GNB5: variants seen among roughly 807,000 people sequenced by gnomAD.
GNB5 encodes the protein G protein subunit beta 5, also known as guanine nucleotide-binding protein subunit beta-5.
GNB5 carries 37 observed loss-of-function variants against 55.3 expected under a neutral mutation model. The ratio of observed to expected loss-of-function variants is 0.67; its 90% CI spans 0.51 to 0.88. The LOEUF (loss-of-function observed/expected upper bound fraction) is 0.88. Ranked by LOEUF, GNB5 falls within the 40% of genes least tolerant of loss-of-function variation. The pLI is 0.00. For synonymous variants in GNB5, 219 were observed against 198.5 expected, an observed-to-expected ratio of 1.10 and a Z score of -0.87; for missense variants, 476 against 515.3, an observed-to-expected ratio of 0.92 and a Z score of 0.74.
At chr15:52,143,242 TG>T (rs2033898055) in intron 6 of GNB5, among the ~76,000 whole-genome samples, 4 of 152,160 alleles carry the variant, frequency 2.6e-5, no homozygotes, top group Non-Finnish European at 5.9e-5. Context: ...CTGTGGACTA[TG>T]GTCCTCCCTG....
At chr15:52,145,955 T>C (rs991138320) in intron 6 of GNB5, among the ~76,000 whole-genome samples, 1 of 126,784 alleles carries the variant, frequency 7.9e-6, no homozygotes, top group African/African-American at 2.9e-5. Flanking sequence ...TAATATGACT[T>C]TTTTTTTTTT....
intron 10 of GNB5, among the ~76,000 whole-genome samples, chr15:52,127,310 AG>A (rs2033454764): frequency 6.6e-6 from 1 of 152,198 alleles, no homozygotes; most frequent in African/African-American, 2.4e-5. Flanking sequence ...AAATATTTTC[AG>A]GTGTTTACTT....
chr15:52,146,202 C>T (rs1287257787), intron 6 of GNB5, among the ~76,000 whole-genome samples: 1 of 152,134 alleles, frequency 6.6e-6, no homozygotes, highest in Admixed American at 6.6e-5. Context: ...CGTGATCTGC[C>T]AGTCTCAGCC....
At chr15:52,139,857 C>T in intron 7 of GNB5, 1 of 1,285,524 alleles carries the variant, frequency 7.8e-7, no homozygotes, top group South Asian at 1.2e-5. Context: ...CGGGGCAACA[C>T]AGAGCGAGTC....
chr15:52,125,691 T>C, intron 11 of GNB5: 1 of 338,680 alleles, frequency 3.0e-6, no homozygotes, highest in Non-Finnish European at 5.3e-6. Flanking sequence ...AGTGAATTTC[T>C]GACACTTCAT....
At chr15:52,156,532 G>C (rs1356260345) in intron 3 of GNB5, among the ~76,000 whole-genome samples, 2 of 152,210 alleles carry the variant, frequency 1.3e-5, no homozygotes, top group Admixed American at 6.5e-5. Flanking sequence ...AGGAGTCTGA[G>C]ATCAGCCTGG....
rs1211453234 is a variant in GNB5 at position 52,118,679 on chromosome 15, A to T, written c.*4078T>A. On this transcript the variant is annotated 3_prime_UTR_variant, in exon 13 of 13. Transcript: ENST00000261837. ...AGGTTGGGAGTTCGAGACCAGTGTG[A>T]CCAACATGGAGAAACCTGGTCTCTA... The T allele has an allele frequency of 1.3e-5, 2 of 151,988 alleles. No individual in the cohort carries two copies. The highest frequency in any genetic ancestry group is 4.8e-5 in the African/African-American group (2 of 41,342). The allele number at this position is 151,988 out of a possible 1,614,324, so 9.4% of individuals were successfully genotyped here.
intron 3 of GNB5, among the ~76,000 whole-genome samples, chr15:52,168,998 A>C (rs1434685933): frequency 6.6e-6 from 1 of 152,144 alleles, no homozygotes; most frequent in African/African-American, 2.4e-5. Context: ...TAAATGTAAA[A>C]CCCCAAACTA....
intron 3 of GNB5, among the ~76,000 whole-genome samples, chr15:52,163,390 G>T (rs2034380330): frequency 6.6e-6 from 1 of 152,190 alleles, no homozygotes; most frequent in Admixed American, 6.5e-5. Context: ...CGTTCAGCGG[G>T]CCCCACTCCC....
At position 52,124,484 on chromosome 15, in the gene GNB5, G is replaced by A; in HGVS notation, c.1165C>T (p.His389Tyr). 5 of 1,613,400 alleles carry A rather than the reference G, an allele frequency of 3.1e-6. No homozygotes were observed. Among genetic ancestry groups the A allele is most frequent in the Non-Finnish European group, 4.2e-6 (5 of 1,179,390 alleles). The change falls in exon 12 of 13, where the codon CAT becomes TAT. Residue 389 changes from histidine to tyrosine, a missense_variant. Coordinates refer to ENST00000261837, the MANE Select transcript of GNB5 (RefSeq NM_016194.4). Reference sequence around the variant, plus strand: ...ACCATCCCTCTTACTCTGAGGGTATGATCCCATGATCCAGAGCAGAAAGCA... The same window carrying A: ...ACCATCCCTCTTACTCTGAGGGTATAATCCCATGATCCAGAGCAGAAAGCA... ...GTAFCSGSWD[H>Y]TLRVWA
chr15:52,158,470 C>A (rs984303517), intron 3 of GNB5, among the ~76,000 whole-genome samples: 7 of 152,068 alleles, frequency 4.6e-5, no homozygotes, highest in Non-Finnish European at 1.0e-4. Context: ...CTTTGGTGGG[C>A]GAACAAAACA....
At chr15:52,132,346 C>G (rs983983244) in intron 9 of GNB5, among the ~76,000 whole-genome samples, 1 of 152,220 alleles carries the variant, frequency 6.6e-6, no homozygotes, top group Admixed American at 6.5e-5. Context: ...ATTTCTCTGT[C>G]TCCACCATGT....
intron 3 of GNB5, among the ~76,000 whole-genome samples, chr15:52,170,326 T>C (rs941287456): frequency 3.9e-5 from 6 of 152,162 alleles, no homozygotes; most frequent in Admixed American, 6.5e-5. Context: ...TGGTCATCAA[T>C]GATAGACTGG....
intron 10 of GNB5, among the ~76,000 whole-genome samples, chr15:52,127,721 A>G (rs531425304): frequency 6.6e-6 from 1 of 152,088 alleles, no homozygotes; most frequent in Non-Finnish European, 1.5e-5. Flanking sequence ...AAAAGCCTTA[A>G]AACTGGGTCT....
intron 5 of GNB5, chr15:52,149,428 A>G: frequency 3.2e-6 from 1 of 313,566 alleles, no homozygotes; most frequent in Non-Finnish European, 5.8e-6. Flanking sequence ...CAAGGGGATC[A>G]GACTGCATCA....
chr15:52,184,796 T>A, intron 1 of GNB5, 102 bp from the exon 2 acceptor site: 2 of 835,990 alleles, frequency 2.4e-6, no homozygotes, highest in Non-Finnish European at 3.8e-6. Context: ...TTCAGACGTC[T>A]ACATGTGGGA....
rs2033204024 is a variant in GNB5, at chr15:52,119,205, A to G, written c.*3552T>C. 7.8e-6 allele frequency: 1 copy of G among 128,922 alleles called. No homozygotes were observed. The highest frequency in any genetic ancestry group is 1.6e-5 in the Non-Finnish European group (1 of 61,902). 8.0% of individuals were successfully genotyped at this position (128,922 alleles called of 1,614,324 possible). On this transcript the variant is annotated 3_prime_UTR_variant, in exon 13 of 13. Transcript: ENST00000261837. ...GAATGGGGGAAGATTGAGAAGGGTT[A>G]GAAAAAGGAGTCCGGATGAATGAGG...
intron 3 of GNB5, among the ~76,000 whole-genome samples, chr15:52,157,785 C>T (rs2141219038): frequency 6.6e-6 from 1 of 152,138 alleles, no homozygotes; most frequent in East Asian, 1.9e-4. Flanking sequence ...TTTCTCACTA[C>T]ATTTTTTCTT....
chr15:52,182,645 A>C (rs995366081), intron 2 of GNB5, among the ~76,000 whole-genome samples: 3 of 152,186 alleles, frequency 2.0e-5, no homozygotes, highest in African/African-American at 7.2e-5. Flanking sequence ...GGTCACTCCT[A>C]TTCACAAAAA....
Sources: allele counts gnomAD v4.1 joint callset (sites outside exome capture counted in the v4.1 genomes callset), GRCh38; gene constraint gnomAD v4.1.1; transcripts MANE v1.5; gene names NCBI Gene and HGNC (gene_info 2026-07-23, HGNC 2026-07-21).